AFF2: variants seen among roughly 807,000 people sequenced by gnomAD.
AFF2 encodes ALF transcription elongation factor 2, also known as AF4/FMR2 family member 2.
In AFF2, 14 loss-of-function variants were observed where a neutral mutation model predicts 76.9. That is an observed-to-expected ratio of 0.18 (90% CI 0.12 to 0.28). The LOEUF (loss-of-function observed/expected upper bound fraction) is 0.28. Ranked by LOEUF, AFF2 falls within the 10% of genes least tolerant of loss-of-function variation. The pLI is 1.00. For synonymous variants in AFF2, 398 were observed against 366.7 expected, an observed-to-expected ratio of 1.09 and a Z score of -0.98; for missense variants, 868 against 1,001.1, an observed-to-expected ratio of 0.87 and a Z score of 1.79.
At chrX:148,596,203 C>G (rs1279134702) in intron 1 of AFF2, among the ~76,000 whole-genome samples, 2 of 112,004 alleles carry the variant, frequency 1.8e-5, no homozygotes, top group African/African-American at 6.5e-5. Flanking sequence ...TATACTCCTA[C>G]TAAGCAGGTG....
At chrX:148,729,847 T>C (rs1490641599) in intron 3 of AFF2, among the ~76,000 whole-genome samples, 12 of 112,015 alleles carry the variant, frequency 1.1e-4, no homozygotes, top group African/African-American at 2.9e-4. Context: ...CTTTCCACTT[T>C]GCTATGCCTA....
At chrX:148,962,252 G>T (rs911113510) in intron 12 of AFF2, among the ~76,000 whole-genome samples, 2 of 112,412 alleles carry the variant, frequency 1.8e-5, no homozygotes, top group Non-Finnish European at 3.8e-5. Flanking sequence ...TATTTCTTAA[G>T]AAAGTATTCT....
At chrX:148,787,167 T>A (rs2069831787) in intron 3 of AFF2, among the ~76,000 whole-genome samples, 1 of 112,257 alleles carries the variant, frequency 8.9e-6, no homozygotes, top group African/African-American at 3.2e-5. Flanking sequence ...AACATCTTTC[T>A]TAAGTTGGCC....
intron 1 of AFF2, among the ~76,000 whole-genome samples, chrX:148,563,608 T>A (rs1366390282): frequency 1.3e-4 from 15 of 112,103 alleles, no homozygotes; most frequent in Non-Finnish European, 2.4e-4. Flanking sequence ...TTGCTATGCT[T>A]TATGCTTATA....
intron 1 of AFF2, among the ~76,000 whole-genome samples, chrX:148,580,086 G>A (rs1412281987): frequency 8.9e-6 from 1 of 111,989 alleles, no homozygotes; most frequent in Non-Finnish European, 1.9e-5. Flanking sequence ...ACTGCAAACT[G>A]AGCTGAACAT....
At chrX:148,701,210 G>C (rs2054794662) in intron 3 of AFF2, among the ~76,000 whole-genome samples, 1 of 111,153 alleles carries the variant, frequency 9.0e-6, no homozygotes, top group Non-Finnish European at 1.9e-5. Flanking sequence ...GTGGTTTTTC[G>C]CAGACAAAAT....
intron 1 of AFF2, among the ~76,000 whole-genome samples, chrX:148,622,931 T>C (rs1402754962): frequency 3.6e-5 from 4 of 111,845 alleles, no homozygotes; most frequent in African/African-American, 1.3e-4. Flanking sequence ...TTACTCCAAC[T>C]ACACTGTAAG....
At chrX:148,520,828 CAG>C (rs1270165363) in intron 1 of AFF2, among the ~76,000 whole-genome samples, 1 of 112,391 alleles carries the variant, frequency 8.9e-6, no homozygotes, top group Non-Finnish European at 1.9e-5. Flanking sequence ...ATACAGTAAT[CAG>C]AAACAGTTTT....
chrX:148,824,383 T>C, intron 4 of AFF2, among the ~76,000 whole-genome samples: 1 of 111,844 alleles, frequency 8.9e-6, no homozygotes, highest in East Asian at 2.8e-4. Flanking sequence ...CAAAATTTAC[T>C]AAAAGAGTGG....
intron 1 of AFF2, among the ~76,000 whole-genome samples, chrX:148,582,058 C>A (rs1478090069): frequency 9.0e-6 from 1 of 111,317 alleles, no homozygotes; most frequent in East Asian, 2.8e-4. Flanking sequence ...TGCAAAGTGT[C>A]CTTCATTTTG....
At chrX:148,953,800 C>G in intron 10 of AFF2, 61 bp downstream of exon 10, 1 of 692,677 alleles carries the variant, frequency 1.4e-6, no homozygotes, top group South Asian at 3.1e-5. Context: ...GCACCCTCAA[C>G]ACACACACAC....
intron 1 of AFF2, among the ~76,000 whole-genome samples, chrX:148,607,607 G>A (rs2053685015): frequency 9.0e-6 from 1 of 111,201 alleles, no homozygotes; most frequent in African/African-American, 3.3e-5. Context: ...CTTCATAGCA[G>A]TATGAAAATG....
At chrX:148,877,251 C>T (rs1245952070) in intron 7 of AFF2, among the ~76,000 whole-genome samples, 3 of 112,340 alleles carry the variant, frequency 2.7e-5, no homozygotes, top group Middle Eastern at 4.6e-3. Context: ...TTGGCCTTGA[C>T]CTTGCCCTGT....
chrX:148,777,888 G>A (rs1252800988), intron 3 of AFF2, among the ~76,000 whole-genome samples: 2 of 112,016 alleles, frequency 1.8e-5, no homozygotes, highest in African/African-American at 6.5e-5. Context: ...CCAACACTAT[G>A]TTGAATAGGA....
At chrX:148,594,760 G>C (rs2053556485) in intron 1 of AFF2, among the ~76,000 whole-genome samples, 1 of 112,009 alleles carries the variant, frequency 8.9e-6, no homozygotes, top group African/African-American at 3.2e-5. Context: ...ATAGAGGATT[G>C]ATTGAAAGCT....
chrX:148,827,109 A>T (rs1169664247), intron 4 of AFF2, among the ~76,000 whole-genome samples: 1 of 111,174 alleles, frequency 9.0e-6, no homozygotes, highest in Admixed American at 9.5e-5. Context: ...GCTGTTTCAG[A>T]GGAAAGACAA....
At chrX:148,850,719 T>G (rs1184753306) in intron 7 of AFF2, among the ~76,000 whole-genome samples, 2 of 112,682 alleles carry the variant, frequency 1.8e-5, no homozygotes, top group Non-Finnish European at 3.7e-5. Context: ...ACACAATACA[T>G]TAGCCCATGT....
intron 8 of AFF2, among the ~76,000 whole-genome samples, chrX:148,888,163 A>G (rs1557279315): frequency 1.8e-5 from 2 of 111,321 alleles, no homozygotes; most frequent in African/African-American, 6.5e-5. Flanking sequence ...GAAACTCCAT[A>G]CCCATTAAAC....
intron 3 of AFF2, among the ~76,000 whole-genome samples, chrX:148,699,891 G>A (rs1557261657): frequency 8.9e-6 from 1 of 112,172 alleles, no homozygotes; most frequent in Non-Finnish European, 1.9e-5. Context: ...ATGTTTTAAT[G>A]TTAAATTTTA....
Sources: gnomAD v4.1 joint callset for allele counts (sites outside exome capture counted in the v4.1 genomes callset) on GRCh38, gnomAD v4.1.1 for gene constraint, MANE v1.5 for transcripts, NCBI Gene and HGNC (gene_info 2026-07-23, HGNC 2026-07-21) for gene names.